CDC42BPA: variants seen among roughly 807,000 people sequenced by gnomAD.
The protein encoded by CDC42BPA is CDC42 binding protein kinase alpha.
A neutral mutation model predicts 223.5 loss-of-function variants in CDC42BPA; 80 were observed. The ratio of observed to expected loss-of-function variants is 0.36; its 90% CI spans 0.30 to 0.43. CDC42BPA has a LOEUF of 0.43. Among genes scored for constraint, CDC42BPA ranks in the 20% least tolerant of loss-of-function variants. CDC42BPA has a pLI of 1.00. For synonymous variants in CDC42BPA, 694 were observed against 718.6 expected (o/e 0.97, Z 0.55); for missense variants, 1,743 against 2,099.9 (o/e 0.83, Z 3.32).
At chr1:226,998,656 A>G (rs1464105435) in intron 35 of CDC42BPA, among the ~76,000 whole-genome samples, 1 of 152,266 alleles carries the variant, frequency 6.6e-6, no homozygotes, top group Non-Finnish European at 1.5e-5. Flanking sequence ...AAGATGGATT[A>G]AAGATTTAAA....
chr1:227,122,499 T>G (rs1169727583), intron 11 of CDC42BPA, among the ~76,000 whole-genome samples: 1 of 152,216 alleles, frequency 6.6e-6, no homozygotes, highest in Non-Finnish European at 1.5e-5. Context: ...CAATATAGTG[T>G]TAATTTCAGT....
intron 29 of CDC42BPA, among the ~76,000 whole-genome samples, chr1:227,029,921 G>T (rs1295750842): frequency 1.3e-5 from 2 of 151,682 alleles, no homozygotes; most frequent in Admixed American, 6.6e-5. Context: ...GATCACCTGA[G>T]GTTGGGAGTT....
chr1:227,051,980 ATCAG>A lies in CDC42BPA; in HGVS notation c.2906_2909del (p.Thr969IlefsTer36). 7.3e-7 allele frequency: 1 copy of A among 1,365,406 alleles called. No individual in the cohort carries two copies. The highest frequency in any genetic ancestry group is 9.8e-7 in the Non-Finnish European group (1 of 1,020,830). 84.6% of individuals were successfully genotyped at this position (1,365,406 alleles called of 1,614,324 possible). A position where few individuals can be genotyped will look rare whatever the true frequency, so the allele number is the denominator to read the frequency against. On this transcript the variant is annotated frameshift_variant and splice_region_variant, in exon 22 of 37. Coordinates refer to ENST00000366766, the MANE Select transcript of CDC42BPA (RefSeq NM_001394014.1). LOFTEE classifies it high-confidence loss of function. ...TCCATACATATGTGTTCTCAACGGG[ATCAG>A]TCTAGGAAAATAAGTCGGGAAAAAT...
chr1:227,118,787 A>AAG (rs1688172828), intron 12 of CDC42BPA, among the ~76,000 whole-genome samples: 1 of 151,868 alleles, frequency 6.6e-6, no homozygotes, highest in African/African-American at 2.4e-5. Flanking sequence ...TTATTAAAGC[A>AAG]AATAGAACAC....
intron 1 of CDC42BPA, among the ~76,000 whole-genome samples, chr1:227,255,489 A>G (rs564197227): frequency 6.6e-6 from 1 of 151,394 alleles, no homozygotes; most frequent in Non-Finnish European, 1.5e-5. Context: ...AACAGAGAAG[A>G]GAAAGAGAAA....
chr1:227,145,361 A>G, intron 8 of CDC42BPA, 128 bp downstream of exon 8: 5 of 705,480 alleles, frequency 7.1e-6, no homozygotes, highest in Non-Finnish European at 1.1e-5. Flanking sequence ...ACCAGAAGCC[A>G]TGATCACTGA....
At chr1:227,253,806 A>G (rs1490790122) in intron 2 of CDC42BPA, among the ~76,000 whole-genome samples, 1 of 152,098 alleles carries the variant, frequency 6.6e-6, no homozygotes, top group Non-Finnish European at 1.5e-5. Context: ...CTAGAAACAC[A>G]CTCATATTTA....
At chr1:227,113,281 C>T (rs539638972) in intron 12 of CDC42BPA, among the ~76,000 whole-genome samples, 5 of 152,340 alleles carry the variant, frequency 3.3e-5, no homozygotes, top group Admixed American at 6.5e-5. Flanking sequence ...ATGGAGGCTA[C>T]GCCTCAAGCC....
intron 35 of CDC42BPA, among the ~76,000 whole-genome samples, chr1:227,003,493 C>A (rs1225199754): frequency 2.0e-5 from 3 of 152,192 alleles, no homozygotes; most frequent in Non-Finnish European, 2.9e-5. Flanking sequence ...ACTTGATAAT[C>A]TACAATCGCA....
chr1:227,005,441 C>T (rs1475980830), intron 34 of CDC42BPA, among the ~76,000 whole-genome samples: 3 of 152,108 alleles, frequency 2.0e-5, no homozygotes, highest in Admixed American at 1.3e-4. Context: ...GGACATTTGC[C>T]GATAACTGAA....
chr1:227,127,570 T>G (rs1656096579), intron 11 of CDC42BPA, among the ~76,000 whole-genome samples: 1 of 152,208 alleles, frequency 6.6e-6, no homozygotes, highest in South Asian at 2.1e-4. Context: ...GTTCTACTGC[T>G]TTTTTAGTGT....
At chr1:227,095,741 G>A (rs1683870712) in intron 15 of CDC42BPA, among the ~76,000 whole-genome samples, 1 of 151,962 alleles carries the variant, frequency 6.6e-6, no homozygotes, top group Non-Finnish European at 1.5e-5. Flanking sequence ...ACAGGCACAT[G>A]CCACTGTGTC....
At chr1:227,250,640 ATGTG>A (rs59921051) in intron 2 of CDC42BPA, among the ~76,000 whole-genome samples, 8 of 150,814 alleles carry the variant, frequency 5.3e-5, no homozygotes. Flanking sequence ...GTGTGTGTGT[ATGTG>A]TGTGTGTGTA....
intron 5 of CDC42BPA, among the ~76,000 whole-genome samples, chr1:227,189,930 A>G (rs1669444253): frequency 6.6e-6 from 1 of 152,174 alleles, no homozygotes; most frequent in East Asian, 1.9e-4. Context: ...ATAAAACTCT[A>G]AGACATGAAG....
At chr1:227,046,971 A>AT (rs1385353685) in intron 23 of CDC42BPA, among the ~76,000 whole-genome samples, 1 of 151,976 alleles carries the variant, frequency 6.6e-6, no homozygotes, top group African/African-American at 2.4e-5. Flanking sequence ...TAAGTGACAT[A>AT]TTTTTTGCCT....
At position 227,160,594 on chromosome 1, in the gene CDC42BPA, A is replaced by G. The variant is rs1262484768; in HGVS notation, c.642T>C (p.His214=). The G allele has an allele frequency of 1.2e-6, 2 of 1,608,452 alleles. No individual in the cohort carries two copies. Among genetic ancestry groups the G allele is most frequent in the East Asian group, 2.2e-5 (1 of 44,796 alleles). The change falls in exon 6 of 37, where the codon CAT becomes CAC. Residue 214 remains histidine (H), a synonymous_variant. Coordinates refer to ENST00000366766, the MANE Select transcript of CDC42BPA (RefSeq NM_001394014.1). ...AAGAACCAAAATCTGCTAACCGAATATGTCCATTCATATCCATCAGTATAT... is the reference window on the plus strand; with the variant it reads ...AAGAACCAAAATCTGCTAACCGAATGTGTCCATTCATATCCATCAGTATAT... ...PDNILMDMNG[H]IRLADFGSCL... is the part of the protein sequence containing the mutation.
At chr1:227,175,616 C>T (rs1357572941) in intron 5 of CDC42BPA, among the ~76,000 whole-genome samples, 2 of 152,092 alleles carry the variant, frequency 1.3e-5, no homozygotes, top group South Asian at 2.1e-4. Context: ...AATACAGGCA[C>T]ATCTGATGAG....
chr1:227,266,224 A>G (rs1558907646), intron 1 of CDC42BPA, among the ~76,000 whole-genome samples: 1 of 152,100 alleles, frequency 6.6e-6, no homozygotes, highest in Non-Finnish European at 1.5e-5. Context: ...GCTTTATATT[A>G]TTTTGACCAG....
intron 10 of CDC42BPA, among the ~76,000 whole-genome samples, chr1:227,133,089 G>A (rs1437461912): frequency 4.7e-5 from 4 of 85,090 alleles, no homozygotes; most frequent in African/African-American, 1.2e-4. Flanking sequence ...GGGAGGTGGG[G>A]GGGTCAGCCC....
Sources: gnomAD v4.1 joint callset for allele counts (sites outside exome capture counted in the v4.1 genomes callset) on GRCh38, gnomAD v4.1.1 for gene constraint, MANE v1.5 for transcripts, NCBI Gene and HGNC (gene_info 2026-07-23, HGNC 2026-07-21) for gene names.